The following NREP variants were observed in gnomAD, a reference collection of about 807,000 sequenced individuals.
The protein encoded by NREP is neuronal regeneration related protein, also known as neuronal regeneration-related protein.
Under a neutral mutation model 8.6 loss-of-function variants are expected in NREP, and 5 were observed. The ratio of observed to expected loss-of-function variants is 0.58; its 90% CI spans 0.30 to 1.22. The LOEUF is 1.22. NREP is among the 50% of genes most tolerant of loss of function. The pLI, the probability that NREP is intolerant of heterozygous loss-of-function variation, is 0.07. For missense variants in NREP, 86 were observed against 82.5 expected (o/e 1.04, Z -0.17); for synonymous variants, 27 against 28.0 (o/e 0.96, Z 0.11).
At chr5:111,733,729 A>G (rs1190367806) in intron 3 of NREP, 1 of 152,130 alleles carries the variant, frequency 6.6e-6, no homozygotes, top group Non-Finnish European at 1.5e-5. Flanking sequence ...GAGGGACTTG[A>G]GTAATTCAAG....
At chr5:111,957,216 T>C (rs1409208785) in intron 2 of NREP, among the ~76,000 whole-genome samples, 2 of 151,820 alleles carry the variant, frequency 1.3e-5, no homozygotes, top group Admixed American at 1.3e-4. Flanking sequence ...GAATTTAAAA[T>C]GGTAATTAAC....
intron 2 of NREP, among the ~76,000 whole-genome samples, chr5:111,879,200 G>A (rs112972051): frequency 3.7e-4 from 57 of 152,180 alleles, no homozygotes; most frequent in South Asian, 6.2e-4. Flanking sequence ...GCCTACTGCC[G>A]TGAGTATAAG....
intron 2 of NREP, among the ~76,000 whole-genome samples, chr5:111,776,627 C>A (rs930450004): frequency 5.3e-5 from 8 of 151,966 alleles, no homozygotes; most frequent in African/African-American, 1.9e-4. Flanking sequence ...TAATAGACAA[C>A]AACAAAAAGA....
intron 2 of NREP, among the ~76,000 whole-genome samples, chr5:111,779,748 C>G (rs1347841090): frequency 6.6e-6 from 1 of 152,110 alleles, no homozygotes; most frequent in Non-Finnish European, 1.5e-5. Context: ...TGGGTCAATC[C>G]ATTTCTGAAA....
rs557829177 is a variant in NREP, at chr5:111,907,779, G to C, written c.135+67495C>G. 7.4e-4 allele frequency among the ~76,000 whole-genome samples: 112 copies of C among 151,836 alleles called. 1 individual carries two copies. The highest frequency in any genetic ancestry group is 2.6e-3 in the African/African-American group (106 of 41,432). On this transcript the variant is annotated intron_variant, in intron 2 of 3. Coordinates refer to the NREP transcript ENST00000395634. ...CACCTAGAAAACTCCTACTTAATAA[G>C]ACACTTCTTCCAAGAAGTCTTTTAA... is the stretch of plus-strand genomic sequence containing the variant.
chr5:111,762,327 C>T (rs1185923446), upstream of NREP, among the ~76,000 whole-genome samples: 3 of 152,012 alleles, frequency 2.0e-5, no homozygotes, highest in African/African-American at 7.3e-5. Context: ...CAATTTTATA[C>T]CTGTTGAATG....
Position 111,744,388 on chromosome 5 carries a change from C to A in NREP, c.4-8881G>T, listed in dbSNP as rs373605619. Reference sequence around the variant, plus strand: ...ATGTAATTAAAATTGGTGTAAATCACAGGGTACAGAATTCTTATCTGGTAA... The same window carrying A: ...ATGTAATTAAAATTGGTGTAAATCAAAGGGTACAGAATTCTTATCTGGTAA... On this transcript the variant is annotated intron_variant, in intron 2 of 3. Transcript: ENST00000257435. 1.7e-4 allele frequency among the ~76,000 whole-genome samples: 26 copies of A among 151,642 alleles called. No individual in the cohort carries two copies. The South Asian group carries it at 1.9e-3, about 11-fold the overall frequency.
Position 111,808,479 on chromosome 5 carries a change from G to A in NREP, c.136-72972C>T, listed in dbSNP as rs149660808. The stretch of plus-strand genomic sequence containing the variant: ...TAACTAACTTTATCAAGTCCCATCA[G>A]GTTATTCTATCATTGGAGAATAACA... On this transcript the variant is annotated intron_variant, in intron 2 of 3. Transcript: ENST00000395634. Among the ~76,000 whole-genome samples, 400 of 152,252 alleles carry A rather than the reference G, an allele frequency of 2.6e-3. 2 individuals are homozygous for A. The highest frequency in any genetic ancestry group is 9.4e-3 in the African/African-American group (390 of 41,558).
At chr5:111,801,501 G>C (rs1752007111) in intron 2 of NREP, among the ~76,000 whole-genome samples, 1 of 152,160 alleles carries the variant, frequency 6.6e-6, no homozygotes, top group South Asian at 2.1e-4. Flanking sequence ...GCCTTTCATA[G>C]TTCCTTTTCT....
At chr5:111,801,161 C>T (rs1490245536) in intron 2 of NREP, among the ~76,000 whole-genome samples, 1 of 152,102 alleles carries the variant, frequency 6.6e-6, no homozygotes, top group African/African-American at 2.4e-5. Flanking sequence ...GATTTACATA[C>T]ATATCAAAGA....
In NREP at chr5:111,880,501, G is replaced by T. The variant is rs80245745; in HGVS notation, c.135+94773C>A. ...CTTCTCATTGTGTTCTTGCATGGTC[G>T]TCCTTCTGTCTGTGCATTTTTCTGG... On this transcript the variant is annotated intron_variant, in intron 2 of 3. Transcript: ENST00000395634. 6.4e-3 allele frequency among the ~76,000 whole-genome samples: 973 copies of T among 152,108 alleles called. 16 individuals carry two copies. The highest frequency in any genetic ancestry group is 0.022 in the African/African-American group (931 of 41,478).
At chr5:111,886,783 G>A (rs1199132289) in intron 2 of NREP, among the ~76,000 whole-genome samples, 3 of 151,376 alleles carry the variant, frequency 2.0e-5, no homozygotes, top group African/African-American at 7.3e-5. Flanking sequence ...GAGACCACAT[G>A]GACACAGGAA....
intron 2 of NREP, among the ~76,000 whole-genome samples, chr5:111,958,327 C>A (rs1756385643): frequency 6.6e-6 from 1 of 151,176 alleles, no homozygotes; most frequent in East Asian, 1.9e-4. Context: ...GACATAAATC[C>A]CATCTAATGC....
Position 111,805,703 on chromosome 5 carries a change from G to A in NREP, c.136-70196C>T, listed in dbSNP as rs112762172. On this transcript the variant is annotated intron_variant, in intron 2 of 3. Coordinates refer to the NREP transcript ENST00000395634. ...CAAATACTTCAGCAAATAAGTTCAG[G>A]ACTGACTGAATGAATAAATAAATCA... Among the ~76,000 whole-genome samples, 806 of 152,212 alleles carry A rather than the reference G, an allele frequency of 5.3e-3. 3 individuals carry two copies. Among genetic ancestry groups the A allele is most frequent in the African/African-American group, 0.017 (723 of 41,532 alleles).
chr5:111,956,401 T>A (rs1177679231), intron 2 of NREP, among the ~76,000 whole-genome samples: 1 of 152,018 alleles, frequency 6.6e-6, no homozygotes, highest in East Asian at 1.9e-4. Context: ...AATAGTATAT[T>A]GATATTAAAA....
intron 2 of NREP, among the ~76,000 whole-genome samples, chr5:111,824,348 G>T (rs974389877): frequency 6.6e-6 from 1 of 152,166 alleles, no homozygotes; most frequent in Non-Finnish European, 1.5e-5. Flanking sequence ...CAGCCTGGAC[G>T]ACAGAGCGAG....
At chr5:111,872,155 G>C (rs1753806062) in intron 2 of NREP, among the ~76,000 whole-genome samples, 1 of 152,006 alleles carries the variant, frequency 6.6e-6, no homozygotes. Context: ...AGATCTGCAG[G>C]CTGAGCCAGC....
chr5:111,963,221 G>A (rs532007764), intron 2 of NREP, among the ~76,000 whole-genome samples: 5 of 152,336 alleles, frequency 3.3e-5, no homozygotes, highest in East Asian at 1.9e-4. Flanking sequence ...TCCTGCCAGC[G>A]CCCAAAGCAG....
chr5:111,757,481 C>G (rs1422483889), upstream of NREP: 3 of 985,032 alleles, frequency 3.0e-6, no homozygotes, highest in African/African-American at 3.5e-5. Context: ...GAACAATGAG[C>G]TAATTCTGAT....
Sources: allele counts gnomAD v4.1 joint callset (sites outside exome capture counted in the v4.1 genomes callset), GRCh38; gene constraint gnomAD v4.1.1; transcripts MANE v1.5; gene names NCBI Gene and HGNC (gene_info 2026-07-23, HGNC 2026-07-21).